ZMYM2: variants seen among roughly 807,000 people sequenced by gnomAD.
ZMYM2 encodes zinc finger MYM-type protein 2.
ZMYM2 carries 56 observed loss-of-function variants against 162.8 expected under a neutral mutation model. That is an observed-to-expected ratio of 0.34 (90% CI 0.28 to 0.43). The LOEUF is 0.43. Among genes scored for constraint, ZMYM2 ranks in the 20% least tolerant of loss-of-function variants. The pLI is 1.00. For synonymous variants in ZMYM2, 510 were observed against 541.6 expected, an observed-to-expected ratio of 0.94 and a Z score of 0.81; for missense variants, 1,275 against 1,621.8, an observed-to-expected ratio of 0.79 and a Z score of 3.67.
At chr13:19,914,788 T>C in the ZMYM2 span, among the ~76,000 whole-genome samples, 2 of 152,148 alleles carry the variant, frequency 1.3e-5, no homozygotes, top group Non-Finnish European at 2.9e-5. Flanking sequence ...GGTCTTATGG[T>C]GTTCTCTACC....
rs1958230746 is a variant in ZMYM2 at position 20,085,816 on chromosome 13, C to G, written c.3942-6C>G. 1 of 1,578,176 alleles carries G rather than the reference C, an allele frequency of 6.3e-7. No individual in the cohort carries two copies. The highest frequency in any genetic ancestry group is 8.6e-7 in the Non-Finnish European group (1 of 1,164,032). On this transcript the variant is annotated splice_polypyrimidine_tract_variant and splice_region_variant and intron_variant, in intron 24 of 24. Transcript: ENST00000610343. ...ACTTTTTCTCTTTTTCCTCCCGCCT[C>G]CAAAGTCCACAGAATCTTAATCAGA...
intron 12 of ZMYM2, among the ~76,000 whole-genome samples, chr13:20,039,161 G>A (rs937006760): frequency 1.3e-5 from 2 of 152,162 alleles, no homozygotes; most frequent in African/African-American, 4.8e-5. Context: ...TCAGCTGAGG[G>A]AACTTTTGGG....
At chr13:20,056,467 A>G (rs1257978525) in intron 14 of ZMYM2, among the ~76,000 whole-genome samples, 2 of 152,140 alleles carry the variant, frequency 1.3e-5, no homozygotes, top group Admixed American at 6.5e-5. Context: ...CAGACAGGGC[A>G]TTTTAAAGGC....
the ZMYM2 span, among the ~76,000 whole-genome samples, chr13:19,884,974 T>G: frequency 6.6e-6 from 1 of 152,120 alleles, no homozygotes; most frequent in Admixed American, 6.5e-5. Context: ...ATTGGTATAT[T>G]TTACAGAGTG....
chr13:20,055,000 T>G (rs1475142658), intron 14 of ZMYM2, among the ~76,000 whole-genome samples: 3 of 151,382 alleles, frequency 2.0e-5, no homozygotes, highest in Non-Finnish European at 3.0e-5. Context: ...GGGGTTGTTT[T>G]TTTTTTTTTT....
At chr13:20,035,912 C>T (rs1953649729) in intron 11 of ZMYM2, among the ~76,000 whole-genome samples, 1 of 152,034 alleles carries the variant, frequency 6.6e-6, no homozygotes, top group African/African-American at 2.4e-5. Flanking sequence ...TAACAGAAGT[C>T]ATAGGATAGT....
In ZMYM2 at chr13:20,020,234, C is replaced by CTT. The variant is rs71198951; in HGVS notation, c.1584+632_1584+633dup. On this transcript the variant is annotated intron_variant, in intron 7 of 24. Coordinates refer to ENST00000610343, the MANE Select transcript of ZMYM2 (RefSeq NM_197968.4). ...ATCATAGGCTATTATTATTCCTCTTCTTTTTTTTTTTTTTTTTGAGACAGA... is the reference window on the plus strand; with the variant it reads ...ATCATAGGCTATTATTATTCCTCTTCTTTTTTTTTTTTTTTTTTTGAGACAGA... Among the ~76,000 whole-genome samples the CTT allele has an allele frequency of 9.8e-4, 134 of 137,192 alleles. 2 individuals carry two copies. Among genetic ancestry groups the CTT allele is most frequent in the Admixed American group, 1.7e-3 (23 of 13,476 alleles). 90.0% of individuals were successfully genotyped at this position (137,192 alleles called of 152,430 possible).
At chr13:19,931,305 A>G in the ZMYM2 span, among the ~76,000 whole-genome samples, 1 of 152,064 alleles carries the variant, frequency 6.6e-6, no homozygotes, top group Admixed American at 6.6e-5. Flanking sequence ...CTTCAGTTGA[A>G]CATACAACTC....
At chr13:19,878,829 A>G in the ZMYM2 span, among the ~76,000 whole-genome samples, 19 of 152,098 alleles carry the variant, frequency 1.2e-4, no homozygotes, top group African/African-American at 4.6e-4. Flanking sequence ...CCATTTTTGA[A>G]TCAGGTTATT....
chr13:19,975,906 A>AT (rs1555280800), intron 2 of ZMYM2, among the ~76,000 whole-genome samples: 2 of 151,092 alleles, frequency 1.3e-5, no homozygotes, highest in African/African-American at 4.9e-5. Context: ...GTATGTATGT[A>AT]GAGCTGGAGT....
At chr13:19,959,247 T>C (rs1226677345) in intron 1 of ZMYM2, among the ~76,000 whole-genome samples, 2 of 138,840 alleles carry the variant, frequency 1.4e-5, no homozygotes, top group African/African-American at 5.4e-5. Context: ...TTTTCCTTTC[T>C]CTCCGGCGGG....
At chr13:19,919,027 C>T in the ZMYM2 span, among the ~76,000 whole-genome samples, 1 of 152,158 alleles carries the variant, frequency 6.6e-6, no homozygotes, top group Non-Finnish European at 1.5e-5. Context: ...TCCTCTCTAC[C>T]GCCTTTCCCT....
intron 3 of ZMYM2, among the ~76,000 whole-genome samples, chr13:19,999,132 A>T (rs181592623): frequency 2.2e-4 from 33 of 152,348 alleles, no homozygotes; most frequent in Non-Finnish European, 4.3e-4. Flanking sequence ...ACCACACCTC[A>T]GTACTGTGCT....
At chr13:20,027,514 T>TA (rs1364910093) in intron 9 of ZMYM2, among the ~76,000 whole-genome samples, 196 bp downstream of exon 9, 3 of 152,196 alleles carry the variant, frequency 2.0e-5, no homozygotes, top group African/African-American at 7.2e-5. Context: ...TAATTGAGAT[T>TA]ATAATTATTA....
intron 12 of ZMYM2, among the ~76,000 whole-genome samples, chr13:20,046,696 T>C (rs1026086921): frequency 6.6e-6 from 1 of 151,096 alleles, no homozygotes; most frequent in Non-Finnish European, 1.5e-5. Flanking sequence ...TATATGTGTG[T>C]GTGTGTATAT....
intron 21 of ZMYM2, among the ~76,000 whole-genome samples, chr13:20,078,018 T>C (rs1485080368): frequency 2.0e-5 from 3 of 151,970 alleles, no homozygotes; most frequent in Middle Eastern, 3.4e-3. Context: ...GGGGTTTCAC[T>C]GTGTTAGCCA....
intron 12 of ZMYM2, among the ~76,000 whole-genome samples, chr13:20,050,881 G>A (rs1247300265): frequency 6.6e-6 from 1 of 151,968 alleles, no homozygotes; most frequent in African/African-American, 2.4e-5. Flanking sequence ...TAAACATTGA[G>A]TGTTTTAGAA....
At chr13:19,901,503 T>C in the ZMYM2 span, among the ~76,000 whole-genome samples, 1 of 145,806 alleles carries the variant, frequency 6.9e-6, no homozygotes, top group South Asian at 2.1e-4. Flanking sequence ...CTAACTTTTC[T>C]TTTTTTTTTT....
chr13:20,081,906 A>G, intron 21 of ZMYM2, 110 bp from the exon 22 acceptor site: 1 of 604,214 alleles, frequency 1.7e-6, no homozygotes, highest in Non-Finnish European at 2.7e-6. Flanking sequence ...TATGCATTTC[A>G]AAGACATAAA....
Sources: allele counts gnomAD v4.1 joint callset (sites outside exome capture counted in the v4.1 genomes callset), GRCh38; gene constraint gnomAD v4.1.1; transcripts MANE v1.5; gene names NCBI Gene and HGNC (gene_info 2026-07-23, HGNC 2026-07-21).